The following TMEM181 variants were observed in gnomAD, a reference collection of about 807,000 sequenced individuals.
TMEM181 encodes the protein transmembrane protein 181.
TMEM181 carries 39 observed loss-of-function variants against 71.9 expected under a neutral mutation model. The observed-to-expected ratio is 0.54, with a 90% CI of 0.42 to 0.71. The LOEUF is 0.71. Ranked by LOEUF, TMEM181 falls within the 30% of genes least tolerant of loss-of-function variation. TMEM181 has a pLI of 0.00. For missense variants in TMEM181, 595 were observed against 583.0 expected (o/e 1.02, Z -0.21); for synonymous variants, 245 against 228.8 (o/e 1.07, Z -0.64).
chr6:158,561,565 T>G (rs570970835), intron 1 of TMEM181, among the ~76,000 whole-genome samples: 9 of 152,068 alleles, frequency 5.9e-5, no homozygotes, highest in Non-Finnish European at 1.0e-4. Context: ...GCTTTTTCAG[T>G]AGGAGAGAGG....
At chr6:158,536,810 G>A (rs1781123832) in exon 1 of TMEM181, 1 of 1,557,988 alleles carries the variant, frequency 6.4e-7, no homozygotes, top group Non-Finnish European at 8.6e-7. Flanking sequence ...GCTGCGGGAA[G>A]CGTACCGCGA....
intron 11 of TMEM181, among the ~76,000 whole-genome samples, chr6:158,623,861 A>C (rs1363227098): frequency 6.6e-6 from 1 of 152,010 alleles, no homozygotes; most frequent in South Asian, 2.1e-4. Flanking sequence ...CCTGGGTTCA[A>C]GTGGTTCTCC....
At chr6:158,623,909 C>T (rs145455112) in intron 11 of TMEM181, among the ~76,000 whole-genome samples, 529 of 152,176 alleles carry the variant, frequency 3.5e-3, no homozygotes, top group African/African-American at 0.012. Flanking sequence ...GATAGGCGTG[C>T]GCCACCACAC....
chr6:158,606,899 C>T (rs764054166), intron 7 of TMEM181, among the ~76,000 whole-genome samples: 7 of 152,184 alleles, frequency 4.6e-5, no homozygotes, highest in Admixed American at 3.9e-4. Context: ...CTGGAGCAGG[C>T]CCAGTGGAAG....
chr6:158,556,206 T>C (rs1407402464), upstream of TMEM181, among the ~76,000 whole-genome samples: 3 of 152,170 alleles, frequency 2.0e-5, no homozygotes. Flanking sequence ...AAAAAGCTGC[T>C]ACCAAAAAGA....
At chr6:158,536,766 C>A in exon 1 of TMEM181, 2 of 1,574,712 alleles carry the variant, frequency 1.3e-6, no homozygotes, top group East Asian at 2.4e-5. Context: ...TTTGAGCCCC[C>A]GCTCTGCAGC....
intron 1 of TMEM181, among the ~76,000 whole-genome samples, chr6:158,542,149 C>T (rs889555401): frequency 1.3e-5 from 2 of 151,996 alleles, no homozygotes; most frequent in Admixed American, 6.6e-5. Flanking sequence ...TCAAGCGATC[C>T]GCCCACCTTG....
intron 10 of TMEM181, among the ~76,000 whole-genome samples, chr6:158,618,526 C>A (rs1260491940): frequency 1.3e-5 from 2 of 152,160 alleles, no homozygotes; most frequent in Non-Finnish European, 2.9e-5. Context: ...TGAATTTGAT[C>A]CTGCCATTAT....
In TMEM181 at chr6:158,537,661, A is replaced by AC. The variant is rs762899954; in HGVS notation, c.131+803dup. ...TCGCGAGTCGGTAGAAAGCTCCCTC[A>AC]CCCCCCCACCTCAACCTTCCCCATC... On this transcript the variant is annotated intron_variant, in intron 1 of 16. Transcript: ENST00000367090. Among the ~76,000 whole-genome samples, 10 of 151,354 alleles carry AC rather than the reference A, an allele frequency of 6.6e-5. No individual in the cohort carries two copies. In the South Asian group the frequency reaches 1.0e-3, roughly 16 times the overall value.
At chr6:158,590,686 T>A (rs1012674747) in intron 6 of TMEM181, among the ~76,000 whole-genome samples, 6 of 152,306 alleles carry the variant, frequency 3.9e-5, no homozygotes, top group Middle Eastern at 6.8e-3. Flanking sequence ...ATGGTCTTGA[T>A]CTCCTGACCT....
chr6:158,609,003 T>TG (rs1413092081), intron 10 of TMEM181, among the ~76,000 whole-genome samples: 1 of 149,262 alleles, frequency 6.7e-6, no homozygotes, highest in Non-Finnish European at 1.5e-5. Flanking sequence ...GAGGCTGAGG[T>TG]GGGAGGATCG....
intron 11 of TMEM181, 150 bp from the exon 12 acceptor site, chr6:158,624,954 G>A (rs1381947732): frequency 8.7e-6 from 6 of 687,970 alleles, no homozygotes; most frequent in African/African-American, 3.5e-5. Flanking sequence ...AGATGGTCCC[G>A]GCTGGGAGCC....
chr6:158,565,377 A>G (rs1207016095), intron 1 of TMEM181, among the ~76,000 whole-genome samples: 2 of 152,148 alleles, frequency 1.3e-5, no homozygotes, highest in Admixed American at 6.5e-5. Flanking sequence ...TAGTGGGGAC[A>G]TGGCTTTACA....
intron 5 of TMEM181, among the ~76,000 whole-genome samples, chr6:158,589,008 G>C (rs531224153): frequency 2.6e-5 from 4 of 152,316 alleles, no homozygotes; most frequent in African/African-American, 9.6e-5. Flanking sequence ...ATGAGGGTTT[G>C]TCCTCCCTGC....
chr6:158,586,934 C>T (rs1044653649), intron 5 of TMEM181, among the ~76,000 whole-genome samples: 20 of 152,112 alleles, frequency 1.3e-4, no homozygotes, highest in South Asian at 6.2e-4. Flanking sequence ...GGGAGGGGTG[C>T]GATCAGTACT....
upstream of TMEM181, among the ~76,000 whole-genome samples, chr6:158,556,036 A>G (rs552446417): frequency 1.1e-4 from 16 of 152,206 alleles, no homozygotes; most frequent in Non-Finnish European, 1.9e-4. Flanking sequence ...CAGAAAAGAC[A>G]CGTCTCAGAG....
At chr6:158,614,079 C>A (rs759607262) in intron 10 of TMEM181, among the ~76,000 whole-genome samples, 2 of 152,148 alleles carry the variant, frequency 1.3e-5, no homozygotes, top group Non-Finnish European at 2.9e-5. Flanking sequence ...TAATATTATT[C>A]CCTCAAATAA....
chr6:158,603,028 T>C (rs2128313563), intron 6 of TMEM181, among the ~76,000 whole-genome samples: 1 of 152,348 alleles, frequency 6.6e-6, no homozygotes, highest in South Asian at 2.1e-4. Context: ...AAGATTTTTC[T>C]CTCACGGTGC....
At chr6:158,544,296 T>C (rs999074885) in intron 1 of TMEM181, among the ~76,000 whole-genome samples, 2 of 151,194 alleles carry the variant, frequency 1.3e-5, no homozygotes, top group Non-Finnish European at 2.9e-5. Context: ...GTCAGAGATA[T>C]GGTGCTCAGC....
Sources: gnomAD v4.1 joint callset for allele counts (sites outside exome capture counted in the v4.1 genomes callset) on GRCh38, gnomAD v4.1.1 for gene constraint, MANE v1.5 for transcripts, NCBI Gene and HGNC (gene_info 2026-07-23, HGNC 2026-07-21) for gene names.